The following NHSL2 variants were observed in gnomAD, a reference collection of about 807,000 sequenced individuals.
The protein encoded by NHSL2 is NHS-like protein 2.
A neutral mutation model predicts 53.4 loss-of-function variants in NHSL2; 27 were observed. The observed-to-expected ratio is 0.51, with a 90% CI of 0.37 to 0.70. The LOEUF (loss-of-function observed/expected upper bound fraction) is 0.70, where lower values mean the gene tolerates loss of function less well. Among genes scored for constraint, NHSL2 ranks in the 30% least tolerant of loss-of-function variants. The pLI, the probability that NHSL2 is intolerant of heterozygous loss-of-function variation, is 0.00. For missense variants in NHSL2, 892 were observed against 980.1 expected, an observed-to-expected ratio of 0.91 and a Z score of 1.20; for synonymous variants, 408 against 404.1, an observed-to-expected ratio of 1.01 and a Z score of -0.12.
chrX:72,020,136 C>A (rs757472275), intron 1 of NHSL2, among the ~76,000 whole-genome samples: 2 of 112,654 alleles, frequency 1.8e-5, no homozygotes, highest in East Asian at 5.6e-4. Flanking sequence ...CTAACACAGG[C>A]TAATTGTGAA....
chrX:72,081,928 C>T (rs1024728411), intron 1 of NHSL2, among the ~76,000 whole-genome samples: 1 of 111,882 alleles, frequency 8.9e-6, no homozygotes, highest in African/African-American at 3.3e-5. Flanking sequence ...TTGTTCTCTA[C>T]CAGCAGAGCC....
chrX:72,014,912 C>T (rs1447870544), intron 1 of NHSL2, among the ~76,000 whole-genome samples: 1 of 109,886 alleles, frequency 9.1e-6, no homozygotes, highest in African/African-American at 3.3e-5. Context: ...AAATTTGGGG[C>T]ACCTGGTTAT....
intron 1 of NHSL2, among the ~76,000 whole-genome samples, chrX:71,969,533 G>A (rs1489791980): frequency 9.0e-6 from 1 of 111,060 alleles, no homozygotes; most frequent in Non-Finnish European, 1.9e-5. Context: ...GGCTGGTTTC[G>A]AACTCCTGAC....
chrX:72,012,564 C>T (rs753238275), intron 1 of NHSL2, among the ~76,000 whole-genome samples: 1 of 112,384 alleles, frequency 8.9e-6, no homozygotes, highest in South Asian at 3.6e-4. Context: ...TCTGTGTGTC[C>T]GTCTTATAAG....
chrX:71,956,910 C>A (rs2041845381), intron 1 of NHSL2, among the ~76,000 whole-genome samples: 1 of 111,390 alleles, frequency 9.0e-6, no homozygotes, highest in Non-Finnish European at 1.9e-5. Flanking sequence ...CTGGTTTAAT[C>A]TGGGGACCAT....
At chrX:71,969,459 C>G (rs2041916275) in intron 1 of NHSL2, among the ~76,000 whole-genome samples, 1 of 109,873 alleles carries the variant, frequency 9.1e-6, no homozygotes, top group Non-Finnish European at 1.9e-5. Flanking sequence ...ATTACAGGCA[C>G]CCACCACTGC....
Position 72,138,556 on chromosome X carries a change from G to T in NHSL2, c.1008G>T (p.Arg336=). The part of the protein sequence containing the change: ...HGRVAVGQDA[R]FPSLTSPVLR... ...GAGTTGCAGTTGGTCAGGATGCTCG[G>T]TTCCCAAGTCTCACCTCGCCAGTAC... is the stretch of plus-strand genomic sequence containing the variant. The change falls in exon 6 of 8, where the codon CGG becomes CGT. Residue 336 remains arginine, a synonymous_variant. Coordinates refer to ENST00000633930, the MANE Select transcript of NHSL2 (RefSeq NM_001013627.3). 3 of 1,167,472 alleles carry T rather than the reference G, an allele frequency of 2.6e-6. No homozygotes were observed. The South Asian group carries it at 5.7e-5, about 22-fold the overall frequency.
At chrX:71,996,759 C>T (rs1031562570) in intron 1 of NHSL2, among the ~76,000 whole-genome samples, 1 of 112,043 alleles carries the variant, frequency 8.9e-6, no homozygotes, top group African/African-American at 3.2e-5. Flanking sequence ...CTAGGAGGCT[C>T]ACCCATGGTT....
chrX:72,088,975 A>G (rs1430025688), intron 1 of NHSL2, among the ~76,000 whole-genome samples: 1 of 111,864 alleles, frequency 8.9e-6, no homozygotes, highest in South Asian at 3.8e-4. Context: ...TAAGCTTGCC[A>G]TCAGAATGCT....
intron 1 of NHSL2, chrX:72,129,007 T>C (rs2042255502): frequency 8.9e-6 from 1 of 112,947 alleles, no homozygotes. Flanking sequence ...AGGAAAGTTG[T>C]GGAGCCTGCA....
intron 1 of NHSL2, among the ~76,000 whole-genome samples, chrX:72,084,099 G>T (rs1420922321): frequency 3.6e-5 from 4 of 112,526 alleles, no homozygotes; most frequent in Non-Finnish European, 7.5e-5. Context: ...CTTAGCACCA[G>T]GTTCATGTCT....
intron 5 of NHSL2, among the ~76,000 whole-genome samples, chrX:72,137,778 C>G (rs1409025758): frequency 8.9e-6 from 1 of 111,953 alleles, no homozygotes; most frequent in African/African-American, 3.3e-5. Context: ...GTGCCTGGTA[C>G]ATAGTCAGTG....
intron 1 of NHSL2, among the ~76,000 whole-genome samples, chrX:72,028,441 A>G (rs1005039573): frequency 8.9e-6 from 1 of 111,917 alleles, no homozygotes; most frequent in African/African-American, 3.2e-5. Flanking sequence ...TTATTTGTGT[A>G]TTTAATCAGC....
intron 1 of NHSL2, chrX:72,131,591 G>A (rs1602394970): frequency 9.0e-7 from 1 of 1,114,171 alleles, no homozygotes; most frequent in Non-Finnish European, 1.2e-6. Context: ...AGGGGAACTG[G>A]AACTACGGGC....
intron 1 of NHSL2, among the ~76,000 whole-genome samples, chrX:72,006,131 G>A (rs1220838999): frequency 8.9e-6 from 1 of 112,053 alleles, no homozygotes; most frequent in East Asian, 2.8e-4. Context: ...ACTTCAATTT[G>A]TGACAGGACC....
At chrX:71,995,859 C>T (rs1175056001) in intron 1 of NHSL2, among the ~76,000 whole-genome samples, 1 of 112,261 alleles carries the variant, frequency 8.9e-6, no homozygotes, top group African/African-American at 3.2e-5. Context: ...TGTGGTATTC[C>T]TAGTGCCTGG....
At chrX:71,932,969 C>T (rs1481202222) in intron 1 of NHSL2, among the ~76,000 whole-genome samples, 2 of 112,228 alleles carry the variant, frequency 1.8e-5, no homozygotes, top group African/African-American at 6.5e-5. Context: ...AGAGCTGACT[C>T]CCTAGAAAGG....
At chrX:71,921,501 A>G (rs1178401637) in intron 1 of NHSL2, among the ~76,000 whole-genome samples, 1 of 111,236 alleles carries the variant, frequency 9.0e-6, no homozygotes. Flanking sequence ...AAAAGGATAA[A>G]TATATGATGA....
At chrX:72,105,390 G>T (rs1459520924) in intron 1 of NHSL2, among the ~76,000 whole-genome samples, 3 of 111,179 alleles carry the variant, frequency 2.7e-5, no homozygotes, top group Non-Finnish European at 3.8e-5. Context: ...CCCAAAGCCA[G>T]GTATAGGAGT....
Sources: allele counts gnomAD v4.1 joint callset (sites outside exome capture counted in the v4.1 genomes callset), GRCh38; gene constraint gnomAD v4.1.1; transcripts MANE v1.5; gene names NCBI Gene and HGNC (gene_info 2026-07-23, HGNC 2026-07-21).